Variants in SLC24A3 observed in about 807,000 individuals in gnomAD.
SLC24A3 encodes the protein solute carrier family 24 member 3, also known as sodium/potassium/calcium exchanger 3.
SLC24A3 carries 28 observed loss-of-function variants against 75.8 expected under a neutral mutation model. The observed-to-expected ratio is 0.37, with a 90% CI of 0.27 to 0.51. The LOEUF is 0.51. Among genes scored for constraint, SLC24A3 ranks in the 20% least tolerant of loss-of-function variants. The pLI is 0.94. For missense variants in SLC24A3, 663 were observed against 847.8 expected, an observed-to-expected ratio of 0.78 and a Z score of 2.71; for synonymous variants, 372 against 334.1, an observed-to-expected ratio of 1.11 and a Z score of -1.24.
chr20:19,360,039 C>A (rs1985757992), intron 2 of SLC24A3, among the ~76,000 whole-genome samples: 1 of 152,174 alleles, frequency 6.6e-6, no homozygotes, highest in South Asian at 2.1e-4. Flanking sequence ...GGCCAGAGAA[C>A]ATCCTCAGGC....
chr20:19,474,035 G>A (rs187831225), intron 2 of SLC24A3, among the ~76,000 whole-genome samples: 14 of 152,320 alleles, frequency 9.2e-5, no homozygotes, highest in East Asian at 1.9e-4. Context: ...TTAAACTGTC[G>A]GAGGAGATGT....
At chr20:19,499,122 C>G (rs922573252) in intron 2 of SLC24A3, among the ~76,000 whole-genome samples, 1 of 152,144 alleles carries the variant, frequency 6.6e-6, no homozygotes, top group East Asian at 1.9e-4. Context: ...GTGTGAGCAG[C>G]CAAGTAAAGA....
chr20:19,677,697 T>G (rs1467201164), intron 9 of SLC24A3, among the ~76,000 whole-genome samples: 1 of 150,574 alleles, frequency 6.6e-6, no homozygotes, highest in Non-Finnish European at 1.5e-5. Context: ...TTTTTTTTTT[T>G]TTTTTTTTTA....
At chr20:19,471,382 T>C (rs1987867036) in intron 2 of SLC24A3, among the ~76,000 whole-genome samples, 1 of 152,196 alleles carries the variant, frequency 6.6e-6, no homozygotes, top group Admixed American at 6.5e-5. Context: ...TCAATGTGGC[T>C]CCAATTTCTT....
intron 2 of SLC24A3, among the ~76,000 whole-genome samples, chr20:19,441,856 A>G (rs1987304131): frequency 6.6e-6 from 1 of 152,176 alleles, no homozygotes; most frequent in African/African-American, 2.4e-5. Context: ...GACCCCTGGA[A>G]ACCACTGATT....
intron 1 of SLC24A3, among the ~76,000 whole-genome samples, chr20:19,263,762 G>T (rs915056105): frequency 2.0e-5 from 3 of 152,204 alleles, no homozygotes; most frequent in South Asian, 2.1e-4. Flanking sequence ...AACTTGGAAA[G>T]TTGCAAGCAA....
At chr20:19,273,235 A>T (rs992950890) in intron 1 of SLC24A3, among the ~76,000 whole-genome samples, 1 of 152,142 alleles carries the variant, frequency 6.6e-6, no homozygotes, top group African/African-American at 2.4e-5. Flanking sequence ...GGTCGGTGTC[A>T]TGTCGGACAG....
intron 9 of SLC24A3, among the ~76,000 whole-genome samples, chr20:19,677,240 G>A (rs2032535373): frequency 6.7e-6 from 1 of 150,190 alleles, no homozygotes; most frequent in Non-Finnish European, 1.5e-5. Context: ...CGAGAGGATT[G>A]CTTGAAGCCA....
At chr20:19,682,242 C>T (rs183103974) in intron 10 of SLC24A3, among the ~76,000 whole-genome samples, 3 of 152,130 alleles carry the variant, frequency 2.0e-5, no homozygotes, top group Admixed American at 6.5e-5. Context: ...ACAACAGAGC[C>T]AGACCCTATT....
At chr20:19,570,822 A>G (rs780550184) in intron 3 of SLC24A3, among the ~76,000 whole-genome samples, 1 of 152,108 alleles carries the variant, frequency 6.6e-6, no homozygotes, top group Non-Finnish European at 1.5e-5. Context: ...CTGAATTCCA[A>G]TTAGAGGTTA....
At chr20:19,469,157 G>T (rs1417803355) in intron 2 of SLC24A3, among the ~76,000 whole-genome samples, 1 of 152,132 alleles carries the variant, frequency 6.6e-6, no homozygotes, top group Non-Finnish European at 1.5e-5. Flanking sequence ...GATTGTGACA[G>T]AAGCGGACGG....
At chr20:19,273,727 G>T (rs1191658248) in intron 1 of SLC24A3, among the ~76,000 whole-genome samples, 2 of 152,008 alleles carry the variant, frequency 1.3e-5, no homozygotes, top group African/African-American at 4.8e-5. Flanking sequence ...GAAGACAGAA[G>T]ATCTCCAAGC....
intron 3 of SLC24A3, among the ~76,000 whole-genome samples, chr20:19,538,316 C>A (rs2122584300): frequency 6.6e-6 from 1 of 152,104 alleles, no homozygotes; most frequent in African/African-American, 2.4e-5. Flanking sequence ...CATCACAGAC[C>A]AGGATGGAAG....
chr20:19,547,399 C>A (rs766978627), intron 3 of SLC24A3, among the ~76,000 whole-genome samples: 2 of 152,154 alleles, frequency 1.3e-5, no homozygotes, highest in Non-Finnish European at 2.9e-5. Context: ...GGACTGGCTG[C>A]AAATGGACAT....
intron 6 of SLC24A3, among the ~76,000 whole-genome samples, chr20:19,644,286 G>A (rs971494434): frequency 3.3e-5 from 5 of 152,118 alleles, no homozygotes; most frequent in African/African-American, 7.2e-5. Flanking sequence ...AGTTTCATGG[G>A]TGTGACTCAG....
At chr20:19,319,705 G>A (rs1018809491) in intron 2 of SLC24A3, among the ~76,000 whole-genome samples, 8 of 152,154 alleles carry the variant, frequency 5.3e-5, no homozygotes, top group Admixed American at 1.3e-4. Context: ...TGGGGGAGGC[G>A]GTGTTGAGGG....
chr20:19,717,628 G>T (rs755274277), intron 16 of SLC24A3, 35 bp downstream of exon 16: 38 of 1,612,856 alleles, frequency 2.4e-5, no homozygotes, highest in African/African-American at 5.3e-5. Flanking sequence ...ACTTGTGTTT[G>T]CCTGTTCTTT....
At chr20:19,236,118 A>C (rs893865007) in intron 1 of SLC24A3, among the ~76,000 whole-genome samples, 1 of 152,196 alleles carries the variant, frequency 6.6e-6, no homozygotes, top group Non-Finnish European at 1.5e-5. Flanking sequence ...AATTCAACCA[A>C]CTTTTATTGG....
chr20:19,251,749 G>T (rs1278234168), intron 1 of SLC24A3, among the ~76,000 whole-genome samples: 1 of 152,176 alleles, frequency 6.6e-6, no homozygotes, highest in Non-Finnish European at 1.5e-5. Flanking sequence ...TGTCTGTGCT[G>T]GTCCTGCAGA....
Sources: gnomAD v4.1 joint callset for allele counts (sites outside exome capture counted in the v4.1 genomes callset) on GRCh38, gnomAD v4.1.1 for gene constraint, MANE v1.5 for transcripts, NCBI Gene and HGNC (gene_info 2026-07-23, HGNC 2026-07-21) for gene names.